PITRM1: variants seen among roughly 807,000 people sequenced by gnomAD.
PITRM1 encodes pitrilysin metallopeptidase 1, also known as presequence protease, mitochondrial.
Under a neutral mutation model 129.9 loss-of-function variants are expected in PITRM1, and 100 were observed. The observed-to-expected ratio is 0.77, with a 90% CI of 0.65 to 0.91. The LOEUF (loss-of-function observed/expected upper bound fraction) is 0.91, where lower values mean the gene tolerates loss of function less well. PITRM1 is among the 40% of genes least tolerant of loss of function. The probability of loss-of-function intolerance (pLI) is 0.00; values close to 1 mark genes in which losing one functional copy is unlikely to be tolerated. For synonymous variants in PITRM1, 591 were observed against 508.8 expected, an observed-to-expected ratio of 1.16 and a Z score of -2.17; for missense variants, 1,471 against 1,318.3, an observed-to-expected ratio of 1.12 and a Z score of -1.79.
rs1174662609 is a variant in PITRM1 at position 3,158,119 on chromosome 10, C to T, written c.1171G>A (p.Val391Ile). The change falls in exon 11 of 27, where the codon GTC becomes ATC. Residue 391 changes from valine (V) to isoleucine (I), a missense_variant. Coordinates refer to ENST00000224949, the MANE Select transcript of PITRM1 (RefSeq NM_014889.4). Reference sequence around the variant, plus strand: ...TTCTCCGCAATCCCTTGGAGGCCGACACTAAAGTAGGCCTCCCTCGTGTAG... The same window carrying T: ...TTCTCCGCAATCCCTTGGAGGCCGATACTAAAGTAGGCCTCCCTCGTGTAG... ...NGYTREAYFS[V>I]GLQGIAEKDI... 1 of 1,609,688 alleles carries T rather than the reference C, an allele frequency of 6.2e-7. No homozygotes were observed. The highest frequency in any genetic ancestry group is 8.5e-7 in the Non-Finnish European group (1 of 1,177,016).
intron 13 of PITRM1, 30 bp from the exon 14 acceptor site, chr10:3,155,759 A>T: frequency 6.2e-7 from 1 of 1,611,414 alleles, no homozygotes; most frequent in African/African-American, 1.3e-5. Flanking sequence ...AACAAAAGCC[A>T]AGTGAAAACA....
In PITRM1 at chr10:3,165,246, C is replaced by T; in HGVS notation, c.622G>A (p.Gly208Arg). 6.4e-7 allele frequency: 1 copy of T among 1,564,324 alleles called. No individual in the cohort carries two copies. The change falls in exon 6 of 27, where the codon GGA becomes AGA. Residue 208 changes from glycine (G) to arginine (R), a missense_variant. By Grantham distance (125) the Gly-to-Arg change is moderately radical (BLOSUM62 -2). Transcript: ENST00000224949. ...FKGVVFNEMK[G>R]AFTDNERIFS... The stretch of plus-strand genomic sequence containing the variant: ...AAAGGAAGAAAACTTACAAACGCTC[C>T]CTTCATCTCATTAAAGACGACTCCT...
intron 7 of PITRM1, among the ~76,000 whole-genome samples, chr10:3,161,740 G>A (rs567025626): frequency 6.6e-6 from 1 of 151,866 alleles, no homozygotes. Flanking sequence ...TGGGGCAAAT[G>A]TGGGCATAAA....
intron 24 of PITRM1, among the ~76,000 whole-genome samples, chr10:3,140,425 C>T (rs916593949): frequency 3.3e-5 from 5 of 152,198 alleles, no homozygotes; most frequent in Non-Finnish European, 5.9e-5. Context: ...CGGATGGAGG[C>T]ACTACCGTGT....
intron 17 of PITRM1, 42 bp from the exon 18 acceptor site, chr10:3,148,105 T>C (rs752217066): frequency 4.6e-5 from 75 of 1,613,726 alleles, no homozygotes; most frequent in African/African-American, 1.9e-4. Flanking sequence ...TAGGGCCGAA[T>C]CGAACAGTGA....
At chr10:3,139,636 T>A (rs556119138) in intron 24 of PITRM1, among the ~76,000 whole-genome samples, 1 of 152,162 alleles carries the variant, frequency 6.6e-6, no homozygotes, top group Non-Finnish European at 1.5e-5. Flanking sequence ...GCTACCTACG[T>A]ATCTACCTAC....
At chr10:3,145,956 T>A (rs17136264) in intron 20 of PITRM1, 81,261 of 492,220 alleles carry the variant, frequency 0.17, 7,274 homozygotes, top group African/African-American at 0.22. Context: ...GCGGAGCCTG[T>A]GACTCTAAAC....
At chr10:3,138,576 T>C in intron 25 of PITRM1, 1 of 603,572 alleles carries the variant, frequency 1.7e-6, no homozygotes, top group Non-Finnish European at 2.9e-6. Context: ...CGCGTGAGGC[T>C]GATGATGCTG....
chr10:3,145,510 G>C (rs1014448176), intron 21 of PITRM1, 86 bp downstream of exon 21: 56 of 1,178,226 alleles, frequency 4.8e-5, no homozygotes, highest in Non-Finnish European at 5.8e-5. Flanking sequence ...GGACTGCTCT[G>C]AGAATTGAGT....
chr10:3,151,112 G>T, intron 15 of PITRM1, 135 bp downstream of exon 15: 1 of 670,506 alleles, frequency 1.5e-6, no homozygotes, highest in Non-Finnish European at 2.8e-6. Flanking sequence ...TGTAGAGCGA[G>T]ACTATGAACG....
intron 14 of PITRM1, among the ~76,000 whole-genome samples, chr10:3,152,422 T>C (rs1174528541): frequency 6.6e-6 from 1 of 152,208 alleles, no homozygotes; most frequent in Non-Finnish European, 1.5e-5. Flanking sequence ...CTCCCCCATG[T>C]TCCATTTCCA....
chr10:3,145,595 C>T lies in PITRM1; in HGVS notation c.2457+1G>A. 1 of 1,549,632 alleles carries T rather than the reference C, an allele frequency of 6.5e-7. No homozygotes were observed. Among genetic ancestry groups the T allele is most frequent in the Non-Finnish European group, 8.7e-7 (1 of 1,146,854 alleles). ...CGGGCGCCAGCACCACCAGTGCATACCTCGACCGTGTGTGGGCGCACAGGC... is the reference window on the plus strand; with the variant it reads ...CGGGCGCCAGCACCACCAGTGCATATCTCGACCGTGTGTGGGCGCACAGGC... On this transcript the variant is annotated splice_donor_variant, in intron 21 of 26. Transcript: ENST00000224949. LOFTEE classifies it high-confidence loss of function.
At chr10:3,164,091 A>G (rs1842676848) in intron 6 of PITRM1, 1 of 324,678 alleles carries the variant, frequency 3.1e-6, no homozygotes, top group East Asian at 6.0e-5. Context: ...TCACCCACGC[A>G]CAGGACCCAA....
intron 16 of PITRM1, chr10:3,149,400 T>C (rs570390170): frequency 5.1e-6 from 2 of 395,880 alleles, no homozygotes; most frequent in South Asian, 7.8e-5. Context: ...TATAAGTATC[T>C]CCTTATATTA....
chr10:3,158,650 T>C (rs904874761), intron 10 of PITRM1, among the ~76,000 whole-genome samples: 4 of 152,206 alleles, frequency 2.6e-5, no homozygotes, highest in African/African-American at 9.6e-5. Flanking sequence ...GTTTTTCTTT[T>C]GGACAAATGT....
rs1178652858 is a variant in PITRM1 at position 3,143,489 on chromosome 10, T to C, written c.2545A>G (p.Lys849Glu). Residue 849 changes from lysine (K) to glutamate (E), a missense_variant, in exon 23 of 27, where the codon AAG (lysine) becomes GAG (glutamate). Physicochemically the swap from Lys to Glu is moderately conservative, Grantham distance 56. Coordinates refer to ENST00000224949, the MANE Select transcript of PITRM1 (RefSeq NM_014889.4). Reference sequence around the variant, plus strand: ...AAGTGAGTCTTCATCTGCCAGGGCTTGAAGGTGGGTTCCTGAGGGACACGG... The same window carrying C: ...AAGTGAGTCTTCATCTGCCAGGGCTCGAAGGTGGGTTCCTGAGGGACACGG... ...IRKLVMEPTF[K>E]PWQMKTHFLM... is the part of the protein sequence containing the mutation. 1.2e-6 allele frequency: 2 copies of C among 1,612,352 alleles called. No individual in the cohort carries two copies. The highest frequency in any genetic ancestry group is 1.7e-6 in the Non-Finnish European group (2 of 1,178,420).
At position 3,160,240 on chromosome 10, in the gene PITRM1, G is replaced by C; in HGVS notation, c.882C>G (p.Ser294Arg). ...ALSKFQKIEP[S>R]TVVPAQTPWD... ...AGGGTGTCTGAGCTGGCACCACGGTGCTTGGTTCAATTTTCTGGAATTTGC... is the reference window on the plus strand; with the variant it reads ...AGGGTGTCTGAGCTGGCACCACGGTCCTTGGTTCAATTTTCTGGAATTTGC... Residue 294 changes from serine (S) to arginine (R), a missense_variant, in exon 8 of 27, where the codon AGC becomes AGG. Ser to Arg is a moderately radical substitution (Grantham distance 110). Transcript: ENST00000224949. The C allele has an allele frequency of 6.2e-7, 1 of 1,613,932 alleles. No individual in the cohort carries two copies. Among genetic ancestry groups the C allele is most frequent in the Non-Finnish European group, 8.5e-7 (1 of 1,179,838 alleles).
At position 3,148,159 on chromosome 10, in the gene PITRM1, G is replaced by A. The variant is rs1392619921; in HGVS notation, c.1992+12C>T. The stretch of plus-strand genomic sequence containing the variant: ...TTCCCACCGCAGCAGTCGTCTGACG[G>A]TACCAGGCTACCTGCTCGTAGGTGT... On this transcript the variant is annotated intron_variant, in intron 17 of 26. Coordinates refer to ENST00000224949, the MANE Select transcript of PITRM1 (RefSeq NM_014889.4). The A allele has an allele frequency of 3.1e-6, 5 of 1,613,804 alleles. No homozygotes were observed. The highest frequency in any genetic ancestry group is 1.3e-5 in the African/African-American group (1 of 74,916).
At chr10:3,163,951 C>A in intron 6 of PITRM1, 66 bp from the exon 7 acceptor site, 26 of 998,636 alleles carry the variant, frequency 2.6e-5, no homozygotes, top group East Asian at 9.5e-5. Flanking sequence ...ACATTACTTA[C>A]AATATAGCCA....
Sources: allele counts gnomAD v4.1 joint callset (sites outside exome capture counted in the v4.1 genomes callset), GRCh38; gene constraint gnomAD v4.1.1; transcripts MANE v1.5; gene names NCBI Gene and HGNC (gene_info 2026-07-23, HGNC 2026-07-21).